The following CSNK2A2IP variants were observed in gnomAD, a reference collection of about 807,000 sequenced individuals.
CSNK2A2IP encodes the protein casein kinase 2 subunit alpha' interacting protein, also known as casein kinase II subunit alpha'-interacting protein.
At chr3:88,414,270 GTTTTTTTTTTTTTTTT>G in the CSNK2A2IP span, among the ~76,000 whole-genome samples, 6 of 64,106 alleles carry the variant, frequency 9.4e-5, no homozygotes, top group Non-Finnish European at 1.6e-4. Context: ...TACCAACAAA[GTTTTTTTTTTTTTTTT>G]TTTTTTTTTT....
At chr3:88,433,046 A>G in the CSNK2A2IP span, among the ~76,000 whole-genome samples, 2 of 151,950 alleles carry the variant, frequency 1.3e-5, no homozygotes, top group African/African-American at 4.8e-5. Flanking sequence ...TTTATACTGA[A>G]TTATACTATT....
At chr3:88,466,064 GCAAT>G in the CSNK2A2IP span, 1 of 1,231,468 alleles carries the variant, frequency 8.1e-7, no homozygotes, top group Non-Finnish European at 1.0e-6. Context: ...TCATTGCAGC[GCAAT>G]CAAAGATCTT....
the CSNK2A2IP span, among the ~76,000 whole-genome samples, chr3:88,378,124 T>C: frequency 6.6e-6 from 1 of 151,980 alleles, no homozygotes; most frequent in Non-Finnish European, 1.5e-5. Flanking sequence ...ATGCAATTGT[T>C]TTGTCATTCA....
At chr3:88,430,028 T>C in the CSNK2A2IP span, among the ~76,000 whole-genome samples, 5 of 152,100 alleles carry the variant, frequency 3.3e-5, no homozygotes, top group Admixed American at 2.6e-4. Flanking sequence ...CCCAAAGTGC[T>C]GGGAGTACAG....
chr3:88,377,192 C>G, the CSNK2A2IP span, among the ~76,000 whole-genome samples: 21 of 151,738 alleles, frequency 1.4e-4, no homozygotes, highest in South Asian at 4.1e-4. Flanking sequence ...ACCTGAAGTC[C>G]TTAACCTGAA....
At chr3:88,424,728 T>A in the CSNK2A2IP span, among the ~76,000 whole-genome samples, 1 of 152,118 alleles carries the variant, frequency 6.6e-6, no homozygotes, top group Non-Finnish European at 1.5e-5. Context: ...GCTTGCAACA[T>A]TTGGTCTGTG....
chr3:88,419,971 T>C, the CSNK2A2IP span, among the ~76,000 whole-genome samples: 2 of 152,086 alleles, frequency 1.3e-5, no homozygotes, highest in African/African-American at 4.8e-5. Flanking sequence ...AAAAAACCAA[T>C]ACATTCACAC....
At chr3:88,410,176 A>G in the CSNK2A2IP span, among the ~76,000 whole-genome samples, 1 of 152,064 alleles carries the variant, frequency 6.6e-6, no homozygotes, top group Non-Finnish European at 1.5e-5. Context: ...GCTCAAAAAG[A>G]AGGCTCTGTG....
chr3:88,458,141 G>GTTTTTTTTTGTGTTTTTTTTTTTTT, the CSNK2A2IP span, among the ~76,000 whole-genome samples: 1 of 83,304 alleles, frequency 1.2e-5, no homozygotes, highest in African/African-American at 5.4e-5. Flanking sequence ...TGTAATTGTG[G>GTTTTTTTTTGTGTTTTTTTTTTTTT]TTTTTTTTTT....
At chr3:88,365,211 C>T in the CSNK2A2IP span, among the ~76,000 whole-genome samples, 2 of 152,134 alleles carry the variant, frequency 1.3e-5, no homozygotes, top group Non-Finnish European at 2.9e-5. Context: ...GAAAGCAGAA[C>T]ATTACTGTTA....
chr3:88,339,156 CT>C, the CSNK2A2IP span, among the ~76,000 whole-genome samples: 1 of 151,958 alleles, frequency 6.6e-6, no homozygotes, highest in Non-Finnish European at 1.5e-5. Flanking sequence ...GATCTTATTT[CT>C]TCTATTGACT....
At chr3:88,434,890 A>C in the CSNK2A2IP span, among the ~76,000 whole-genome samples, 6 of 152,194 alleles carry the variant, frequency 3.9e-5, no homozygotes, top group Non-Finnish European at 7.3e-5. Context: ...ATTGTCAAAA[A>C]GAGATCCCAA....
At chr3:88,449,820 G>GACAA in the CSNK2A2IP span, among the ~76,000 whole-genome samples, 1 of 47,118 alleles carries the variant, frequency 2.1e-5, no homozygotes, top group East Asian at 6.6e-4. Flanking sequence ...TTTATATCGA[G>GACAA]ACACACACAC....
the CSNK2A2IP span, among the ~76,000 whole-genome samples, chr3:88,356,277 A>G: frequency 6.6e-6 from 1 of 151,948 alleles, no homozygotes; most frequent in Admixed American, 6.6e-5. Flanking sequence ...TTTGGTAACC[A>G]CCATCATTTA....
the CSNK2A2IP span, among the ~76,000 whole-genome samples, chr3:88,393,831 G>A: frequency 1.3e-5 from 2 of 152,186 alleles, no homozygotes; most frequent in East Asian, 1.9e-4. Flanking sequence ...TGTGGTCTGG[G>A]TGCCAAGGTT....
the CSNK2A2IP span, among the ~76,000 whole-genome samples, chr3:88,360,327 G>C: frequency 6.6e-6 from 1 of 151,806 alleles, no homozygotes; most frequent in African/African-American, 2.4e-5. Context: ...TAGAGACGGG[G>C]TTTCACCGTG....
At chr3:88,398,023 G>A in the CSNK2A2IP span, among the ~76,000 whole-genome samples, 6 of 151,976 alleles carry the variant, frequency 3.9e-5, no homozygotes, top group East Asian at 1.2e-3. Context: ...GTAAAATTGG[G>A]GAACTGTTTC....
At chr3:88,405,152 G>A in the CSNK2A2IP span, among the ~76,000 whole-genome samples, 1 of 152,030 alleles carries the variant, frequency 6.6e-6, no homozygotes, top group Non-Finnish European at 1.5e-5. Flanking sequence ...GCTGTATTTG[G>A]AGTCGAGTCC....
chr3:88,447,418 C>A, the CSNK2A2IP span, among the ~76,000 whole-genome samples: 13 of 151,926 alleles, frequency 8.6e-5, no homozygotes, highest in African/African-American at 3.1e-4. Flanking sequence ...ACGTGTAAAA[C>A]TCTTAAAAAT....
Sources: allele counts gnomAD v4.1 joint callset (sites outside exome capture counted in the v4.1 genomes callset), GRCh38; gene constraint gnomAD v4.1.1; transcripts MANE v1.5; gene names NCBI Gene and HGNC (gene_info 2026-07-23, HGNC 2026-07-21).